Variants in ZIC4 observed in about 807,000 individuals in gnomAD.
ZIC4 encodes Zic family zinc finger 4.
A neutral mutation model predicts 28.8 loss-of-function variants in ZIC4; 15 were observed. The ratio of observed to expected loss-of-function variants is 0.52; its 90% confidence interval spans 0.35 to 0.80. The LOEUF (loss-of-function observed/expected upper bound fraction) is 0.80. Among genes scored for constraint, ZIC4 ranks in the 30% least tolerant of loss-of-function variants. The pLI is 0.01. For missense variants in ZIC4, 512 were observed against 467.1 expected (o/e 1.10, Z -0.89); for synonymous variants, 220 against 198.1 (o/e 1.11, Z -0.93).
intron 1 of ZIC4, chr3:147,404,046 C>T (rs1186428537): frequency 6.5e-7 from 1 of 1,537,178 alleles, no homozygotes; most frequent in Admixed American, 2.0e-5. Flanking sequence ...CCTTCCAGCA[C>T]AAATCAGGAA....
rs549423480 is a variant in ZIC4 at position 147,403,816 on chromosome 3, C to T, written c.-15-1004G>A. ...CCAAGTGGGACTCTGTTATCTTAAA[C>T]GGTATCCAGTTCTCTATGCACAAAG... On this transcript the variant is annotated intron_variant, in intron 1 of 4. Transcript: ENST00000383075. The T allele has an allele frequency of 4.4e-5, 36 of 813,664 alleles. No homozygotes were observed. The East Asian group carries it at 7.0e-4, about 16-fold the overall frequency. The allele number at this position is 813,664 out of a possible 1,614,324, so 50.4% of individuals were successfully genotyped here. A position where few individuals can be genotyped will look rare whatever the true frequency, so the allele number is the denominator to read the frequency against.
chr3:147,392,748 A>T (rs1042794502), intron 3 of ZIC4: 1 of 152,310 alleles, frequency 6.6e-6, no homozygotes, highest in Non-Finnish European at 1.5e-5. Context: ...AGGTTTGCGC[A>T]CAACCTGCGC....
At chr3:147,404,132 C>A in intron 1 of ZIC4, 3 of 1,533,084 alleles carry the variant, frequency 2.0e-6, no homozygotes, top group Non-Finnish European at 1.7e-6. Context: ...TTCCTCATGG[C>A]AGGATGTCTG....
chr3:147,399,748 C>A (rs1576462462), intron 2 of ZIC4, among the ~76,000 whole-genome samples: 1 of 151,642 alleles, frequency 6.6e-6, no homozygotes, highest in East Asian at 1.9e-4. Flanking sequence ...TCAATGCAAC[C>A]TCTGCCTCCC....
At chr3:147,402,657 TA>T (rs878857182) in intron 2 of ZIC4, 70 bp downstream of exon 2, 103,566 of 1,016,768 alleles carry the variant, frequency 0.1, 18 homozygotes, top group South Asian at 0.13. Flanking sequence ...ACTTCCTACT[TA>T]AAAAAAAAAA....
chr3:147,394,062 T>G lies in ZIC4; in HGVS notation c.688+1790A>C, dbSNP rs2086984902. 4 of 432,376 alleles carry G rather than the reference T, an allele frequency of 9.3e-6. No homozygotes were observed. In the Admixed American group the frequency reaches 1.0e-4, roughly 11 times the overall value. 26.8% of individuals were successfully genotyped at this position (432,376 alleles called of 1,614,324 possible). ...TATTTTCCTGTTGAATCGAGAACTG[T>G]CTTCATGAATAATTTGTAGTGAGGT... On this transcript the variant is annotated intron_variant, in intron 3 of 4. Transcript: ENST00000383075.
Position 147,396,134 on chromosome 3 carries a change from C to A in ZIC4, c.406G>T (p.Asp136Tyr), listed in dbSNP as rs1231063687. 1 of 1,612,418 alleles carries A rather than the reference C, an allele frequency of 6.2e-7. No individual in the cohort carries two copies. Among genetic ancestry groups the A allele is most frequent in the East Asian group, 2.2e-5 (1 of 44,852 alleles). Residue 136 changes from aspartate (D) to tyrosine (Y), a missense_variant, in exon 3 of 5, where the codon GAC (aspartate) becomes TAC (tyrosine). By Grantham distance (160) the Asp-to-Tyr change is radical. Coordinates refer to ENST00000383075, the MANE Select transcript of ZIC4 (RefSeq NM_032153.6). The surrounding 1 kb of genome is among the most constrained non-coding windows in gnomAD (Gnocchi z 4.2). ...QELICKWLAA[D>Y]GTATPSLCSK... is the part of the protein sequence containing the mutation. ...CAGAGGCTCGGGGTCGCGGTGCCGT[C>A]GGCCGCCAGCCACTTGCAGATGAGC...
At chr3:147,392,393 G>A (rs2086945659) in intron 3 of ZIC4, 1 of 985,374 alleles carries the variant, frequency 1.0e-6, no homozygotes, top group African/African-American at 1.7e-5. Context: ...GACAATATTG[G>A]CCGGACCGAG....
chr3:147,402,865 G>T, intron 1 of ZIC4, 53 bp from the exon 2 acceptor site: 2 of 1,454,796 alleles, frequency 1.4e-6, no homozygotes, highest in South Asian at 1.1e-5. Context: ...TTACACGTCT[G>T]TGTGGCAACA....
chr3:147,395,137 G>A (rs998662005), intron 3 of ZIC4, among the ~76,000 whole-genome samples: 39 of 152,182 alleles, frequency 2.6e-4, no homozygotes, highest in African/African-American at 8.9e-4. Context: ...TCTCCTTGCA[G>A]TTGTATTAAT....
chr3:147,396,280 T>A lies in ZIC4; in HGVS notation c.260A>T (p.Asp87Val), dbSNP rs912062970. Residue 87 changes from aspartate (D) to valine (V), a missense_variant, in exon 3 of 5, where the codon GAC becomes GTC. Asp to Val is a radical substitution (Grantham distance 152). Transcript: ENST00000383075. This position sits in a 1 kb window ranked among gnomAD's most constrained non-coding sequence, Gnocchi z 4.2. ...CAGGGCTGCGGCAGCTGCCAGGGCG[T>A]CGCTGCGGGCCGCAGGCCCTGGCGG... The part of the protein sequence containing the change: ...PFPPGPAARS[D>V]ALAAAAALHG... The A allele has an allele frequency of 6.2e-7, 1 of 1,609,646 alleles. No individual in the cohort carries two copies. Among genetic ancestry groups the A allele is most frequent in the African/African-American group, 1.3e-5 (1 of 74,670 alleles).
intron 3 of ZIC4, among the ~76,000 whole-genome samples, chr3:147,394,468 TAA>T (rs3058048): frequency 0.17 from 23,743 of 137,306 alleles, 2,037 homozygotes; most frequent in East Asian, 0.24. Flanking sequence ...TTTGTTTGTT[TAA>T]AAAAAAAAAA....
chr3:147,402,669 AG>A (rs1211372527), intron 2 of ZIC4, 58 bp downstream of exon 2: 68 of 1,302,498 alleles, frequency 5.2e-5, no homozygotes, highest in Non-Finnish European at 6.4e-5. Flanking sequence ...AAAAAAAAAA[AG>A]AAGAAGAAGA....
chr3:147,394,122 C>T (rs992731843), intron 3 of ZIC4, among the ~76,000 whole-genome samples: 1 of 145,250 alleles, frequency 6.9e-6, no homozygotes, highest in Non-Finnish European at 1.5e-5. Context: ...TTTTCCCTCT[C>T]TCTCTCTCTC....
At chr3:147,389,217 C>A (rs2107961079) in intron 4 of ZIC4, 2 of 294,692 alleles carry the variant, frequency 6.8e-6, no homozygotes, top group Admixed American at 4.7e-5. Context: ...TGGAAGACTG[C>A]ATTTTTTATT....
chr3:147,397,492 G>A (rs1468247903), intron 2 of ZIC4, among the ~76,000 whole-genome samples: 3 of 151,522 alleles, frequency 2.0e-5, no homozygotes, highest in African/African-American at 4.9e-5. Context: ...CTCTCCCCTT[G>A]AGCCTCCTCC....
chr3:147,389,296 G>A (rs550499266), intron 4 of ZIC4: 1 of 173,598 alleles, frequency 5.8e-6, no homozygotes, highest in South Asian at 1.5e-4. Context: ...TGGGGGCTGC[G>A]GGCAGGAGTG....
intron 4 of ZIC4, 135 bp from the exon 5 acceptor site, chr3:147,388,994 C>A (rs576579755): frequency 9.1e-6 from 6 of 659,698 alleles, no homozygotes; most frequent in African/African-American, 9.1e-5. Context: ...AGTCCTACTT[C>A]AGGAAGGGGG....
At position 147,404,145 on chromosome 3, in the gene ZIC4, A is replaced by T. The variant is rs541591291; in HGVS notation, c.-15-1333T>A. The stretch of plus-strand genomic sequence containing the variant: ...ATTTCCTCATGGCAGGATGTCTGGC[A>T]TGGAAAAGTCCTGGTTGGTTGGCAA... On this transcript the variant is annotated intron_variant, in intron 1 of 4. Coordinates refer to ENST00000383075, the MANE Select transcript of ZIC4 (RefSeq NM_032153.6). 136 of 1,531,612 alleles carry T rather than the reference A, an allele frequency of 8.9e-5. No homozygotes were observed. In the African/African-American group the frequency reaches 1.6e-3, roughly 18 times the overall value. 94.9% of individuals were successfully genotyped at this position (1,531,612 alleles called of 1,614,324 possible). A position where few individuals can be genotyped will look rare whatever the true frequency, so the allele number is the denominator to read the frequency against.
Sources: allele counts gnomAD v4.1 joint callset (sites outside exome capture counted in the v4.1 genomes callset), GRCh38; gene constraint gnomAD v4.1.1; non-coding constraint Gnocchi (gnomAD v3.1); transcripts MANE v1.5; gene names NCBI Gene and HGNC (gene_info 2026-07-23, HGNC 2026-07-21).